Variants in RNASEH2B observed in about 807,000 individuals in gnomAD.
RNASEH2B encodes ribonuclease H2 subunit B.
Under a neutral mutation model 45.0 loss-of-function variants are expected in RNASEH2B, and 36 were observed. That is an observed-to-expected ratio of 0.80 (90% CI 0.61 to 1.06). The LOEUF (loss-of-function observed/expected upper bound fraction) is 1.06. Among genes scored for constraint, RNASEH2B ranks in the 50% least tolerant of loss-of-function variants. The probability of loss-of-function intolerance (pLI) is 0.00; values close to 1 mark genes in which losing one functional copy is unlikely to be tolerated. For synonymous variants in RNASEH2B, 119 were observed against 125.7 expected (o/e 0.95, Z 0.35); for missense variants, 361 against 360.3 (o/e 1.00, Z -0.02).
intron 4 of RNASEH2B, among the ~76,000 whole-genome samples, chr13:50,931,177 A>G (rs939986220): frequency 1.3e-5 from 2 of 152,190 alleles, no homozygotes; most frequent in East Asian, 3.9e-4. Flanking sequence ...AGCGGGTCCA[A>G]TAGAAGCTCA....
intron 1 of RNASEH2B, 126 bp downstream of exon 1, chr13:50,910,266 C>A: frequency 1.7e-6 from 1 of 577,018 alleles, no homozygotes; most frequent in Non-Finnish European, 2.7e-6. Context: ...GGGATTCTCT[C>A]TGGGACAGCT....
chr13:50,929,047 A>T (rs1189652668), intron 2 of RNASEH2B, among the ~76,000 whole-genome samples: 1 of 143,758 alleles, frequency 7.0e-6, no homozygotes, highest in Non-Finnish European at 1.5e-5. Flanking sequence ...TTTCTCACTT[A>T]GGGTTGGCCT....
intron 9 of RNASEH2B, chr13:50,951,328 T>C (rs1184770882): frequency 6.6e-6 from 1 of 152,244 alleles, no homozygotes; most frequent in Non-Finnish European, 1.5e-5. Context: ...TACAGTAATA[T>C]AGTTGACTGT....
chr13:50,929,129 G>C (rs1047039260), intron 2 of RNASEH2B, among the ~76,000 whole-genome samples: 1 of 152,172 alleles, frequency 6.6e-6, no homozygotes, highest in African/African-American at 2.4e-5. Flanking sequence ...CCACGTGCCA[G>C]CTCATGTCAT....
At position 50,927,476 on chromosome 13, in the gene RNASEH2B, C is replaced by A; in HGVS notation, c.134C>A (p.Ser45Ter). 1 of 1,581,888 alleles carries A rather than the reference C, an allele frequency of 6.3e-7. No homozygotes were observed. The highest frequency in any genetic ancestry group is 8.7e-7 in the Non-Finnish European group (1 of 1,150,924). ...LMFVKLVNPC[S>*]GEGAIYLFNM... ...TTTGTAAAACTGGTTAACCCCTGTT[C>A]AGGTAAGTTCTCTTCTCATAACTTG... The change falls in exon 2 of 11, where the codon TCA becomes TAA. Residue 45 changes from serine to a stop codon, truncating the protein, a stop_gained and splice_region_variant. Transcript: ENST00000336617. LOFTEE classifies it high-confidence loss of function.
intron 1 of RNASEH2B, among the ~76,000 whole-genome samples, chr13:50,922,542 G>A (rs767980418): frequency 1.6e-4 from 25 of 152,290 alleles, no homozygotes; most frequent in Non-Finnish European, 3.5e-4. Flanking sequence ...TAACCACTAA[G>A]CTAACTAAAC....
intron 7 of RNASEH2B, 46 bp downstream of exon 7, chr13:50,945,578 T>A: frequency 7.8e-7 from 1 of 1,282,716 alleles, no homozygotes; most frequent in Non-Finnish European, 1.1e-6. Context: ...TGGAGTAAGT[T>A]GCTTATGTGT....
At chr13:50,956,796 G>T, downstream of RNASEH2B, 3 of 987,344 alleles carry the variant, frequency 3.0e-6, no homozygotes, top group Non-Finnish European at 3.7e-6. Flanking sequence ...ATGCAACTTT[G>T]CATTCAGTAG....
In RNASEH2B at chr13:50,926,462, A is replaced by G. The variant is rs1037636226; in HGVS notation, c.65-945A>G. On this transcript the variant is annotated intron_variant, in intron 1 of 10. Coordinates refer to ENST00000336617, the MANE Select transcript of RNASEH2B (RefSeq NM_024570.4). ...TCTGTGAATATGCCACTCAAAATAT[A>G]TGAAGAGTGTTACCAATAAAATTGT... Among the ~76,000 whole-genome samples, 12 of 152,162 alleles carry G rather than the reference A, an allele frequency of 7.9e-5. 1 individual carries two copies. Among genetic ancestry groups the G allele is most frequent in the Non-Finnish European group, 1.8e-4 (12 of 68,018 alleles).
chr13:50,910,222 C>T, intron 1 of RNASEH2B, 82 bp downstream of exon 1: 2 of 979,832 alleles, frequency 2.0e-6, no homozygotes, highest in Non-Finnish European at 2.8e-6. Flanking sequence ...GCCCCCCACC[C>T]CGGTGGCTCC....
At chr13:50,934,817 T>C in intron 4 of RNASEH2B, 68 bp from the exon 5 acceptor site, 2 of 1,115,728 alleles carry the variant, frequency 1.8e-6, no homozygotes, top group Non-Finnish European at 2.7e-6. Flanking sequence ...TTAATGTGTC[T>C]TTTTCTCTTT....
At chr13:50,943,199 T>C in intron 5 of RNASEH2B, 122 bp from the exon 6 acceptor site, 1 of 683,584 alleles carries the variant, frequency 1.5e-6, no homozygotes, top group Non-Finnish European at 2.6e-6. Flanking sequence ...GGTTTGTAAA[T>C]TAAGCTTTTC....
intron 4 of RNASEH2B, among the ~76,000 whole-genome samples, chr13:50,933,055 C>T (rs1006302698): frequency 8.5e-5 from 13 of 152,174 alleles, no homozygotes; most frequent in African/African-American, 2.4e-4. Context: ...TGGTAAGCCT[C>T]GTGTCTTTAA....
intron 10 of RNASEH2B, chr13:50,955,103 AAC>A (rs1952027495): frequency 6.6e-6 from 1 of 152,164 alleles, no homozygotes; most frequent in Admixed American, 6.6e-5. Flanking sequence ...TTGATTTTTT[AAC>A]AGTGTTAAAT....
chr13:50,931,509 G>A (rs754552921), intron 4 of RNASEH2B, among the ~76,000 whole-genome samples: 20 of 152,198 alleles, frequency 1.3e-4, no homozygotes, highest in Non-Finnish European at 2.4e-4. Context: ...TTAATGAGGC[G>A]TGTGGCATTG....
intron 5 of RNASEH2B, chr13:50,938,208 C>CTAGCT (rs1232097052): frequency 2.0e-5 from 3 of 152,060 alleles, no homozygotes; most frequent in Non-Finnish European, 2.9e-5. Context: ...CTAAATGTAA[C>CTAGCT]ACAATATGTT....
chr13:50,954,407 A>C (rs1349276330), intron 10 of RNASEH2B: 1 of 287,640 alleles, frequency 3.5e-6, no homozygotes, highest in Non-Finnish European at 6.5e-6. Context: ...TTATACATGC[A>C]TTATAAATAC....
intron 5 of RNASEH2B, among the ~76,000 whole-genome samples, chr13:50,940,457 C>T (rs562980881): frequency 3.9e-5 from 6 of 152,228 alleles, no homozygotes; most frequent in Non-Finnish European, 7.3e-5. Flanking sequence ...AGCTAAGCCT[C>T]CTGATTTCTA....
At position 50,956,446 on chromosome 13, in the gene RNASEH2B, A is replaced by T. The variant is rs1471999282; in HGVS notation, c.911A>T (p.Lys304Ile). The T allele has an allele frequency of 3.1e-6, 5 of 1,598,102 alleles. No individual in the cohort carries two copies. The highest frequency in any genetic ancestry group is 3.4e-6 in the Non-Finnish European group (4 of 1,170,066). The change falls in exon 11 of 11, where the codon AAA (lysine) becomes ATA (isoleucine). Residue 304 changes from lysine (K) to isoleucine (I), a missense_variant. Coordinates refer to ENST00000336617, the MANE Select transcript of RNASEH2B (RefSeq NM_024570.4). ...AGTATTGATACCTTTTTTGGGGTAAAAAATAAAAAAAAAATTGGAAAGGTT... is the reference window on the plus strand; with the variant it reads ...AGTATTGATACCTTTTTTGGGGTAATAAATAAAAAAAAAATTGGAAAGGTT... The part of the protein sequence containing the change: ...MKSIDTFFGV[K>I]NKKKIGKV
Sources: allele counts gnomAD v4.1 joint callset (sites outside exome capture counted in the v4.1 genomes callset), GRCh38; gene constraint gnomAD v4.1.1; transcripts MANE v1.5; gene names NCBI Gene and HGNC (gene_info 2026-07-23, HGNC 2026-07-21).